CCZ1B: variants seen among roughly 807,000 people sequenced by gnomAD.
CCZ1B encodes CCZ1B vacuolar protein trafficking and biogenesis associated.
CCZ1B carries 25 observed loss-of-function variants against 58.8 expected under a neutral mutation model. The ratio of observed to expected loss-of-function variants is 0.43; its 90% CI spans 0.31 to 0.59. The LOEUF (loss-of-function observed/expected upper bound fraction) is 0.59. Ranked by LOEUF, CCZ1B falls within the 20% of genes least tolerant of loss-of-function variation. The pLI is 0.12. For missense variants in CCZ1B, 180 were observed against 501.5 expected (o/e 0.36, Z 6.12); for synonymous variants, 66 against 173.2 (o/e 0.38, Z 4.86).
chr7:6,812,804 T>C (rs1782939020), intron 9 of CCZ1B, among the ~76,000 whole-genome samples, 172 bp downstream of exon 9: 2 of 148,636 alleles, frequency 1.3e-5, no homozygotes, highest in Non-Finnish European at 3.0e-5. Flanking sequence ...CTCATGCCTG[T>C]AGTTCCAGCT....
intron 2 of CCZ1B, 33 bp downstream of exon 2, chr7:6,824,607 A>G: frequency 6.2e-7 from 1 of 1,612,478 alleles, no homozygotes; most frequent in Non-Finnish European, 8.5e-7. Context: ...TTAAGAATTC[A>G]CTGAACGCTA....
chr7:6,821,350 G>C lies in CCZ1B; in HGVS notation c.522+931C>G, dbSNP rs536953391. Among the ~76,000 whole-genome samples, 12 of 151,844 alleles carry C rather than the reference G, an allele frequency of 7.9e-5. No individual in the cohort carries two copies. In the East Asian group the frequency reaches 2.3e-3, roughly 29 times the overall value. On this transcript the variant is annotated intron_variant, in intron 6 of 14. Transcript: ENST00000316731. Reference sequence around the variant, plus strand: ...TACTAAAATCATGTCTAAATGATATGTACTCAGGACAACAGTTCTATCCAT... The same window carrying C: ...TACTAAAATCATGTCTAAATGATATCTACTCAGGACAACAGTTCTATCCAT...
intron 10 of CCZ1B, among the ~76,000 whole-genome samples, chr7:6,808,399 CAAAA>C (rs1562427257): frequency 9.7e-5 from 5 of 51,318 alleles, no homozygotes; most frequent in Non-Finnish European, 2.2e-4. Flanking sequence ...AAAAAAAAAA[CAAAA>C]AACAAAACAA....
intron 8 of CCZ1B, among the ~76,000 whole-genome samples, chr7:6,813,705 G>A (rs1485559207): frequency 2.0e-5 from 3 of 149,508 alleles, no homozygotes; most frequent in Non-Finnish European, 4.4e-5. Context: ...CAGGAAACCA[G>A]GAAATTAAGT....
intron 8 of CCZ1B, among the ~76,000 whole-genome samples, chr7:6,813,406 C>G (rs572659982): frequency 5.4e-5 from 8 of 149,236 alleles, no homozygotes; most frequent in South Asian, 4.2e-4. Flanking sequence ...GGCAACATGA[C>G]GAGATCCCAT....
chr7:6,819,146 AGG>A lies in CCZ1B; in HGVS notation c.698+618_698+619del, dbSNP rs1254868210. 4.1e-4 allele frequency among the ~76,000 whole-genome samples: 58 copies of A among 141,454 alleles called. 2 individuals carry two copies. The highest frequency in any genetic ancestry group is 3.5e-3 in the Middle Eastern group (1 of 284). 92.8% of individuals were successfully genotyped at this position (141,454 alleles called of 152,430 possible). ...AAGAAAAAAAAAAAAAAAAAAAAAA[AGG>A]TATAAAAATTCTGCTTTTAACATTT... On this transcript the variant is annotated intron_variant, in intron 7 of 14. Coordinates refer to ENST00000316731, the MANE Select transcript of CCZ1B (RefSeq NM_198097.5).
chr7:6,812,372 C>G lies in CCZ1B; in HGVS notation c.843-309G>C, dbSNP rs1782929502. Reference sequence around the variant, plus strand: ...GTTCTGGTGGTGGGCACCTGCAATCCCAGCTACTAGAGAGGCTGAGGCAGG... The same window carrying G: ...GTTCTGGTGGTGGGCACCTGCAATCGCAGCTACTAGAGAGGCTGAGGCAGG... On this transcript the variant is annotated intron_variant, in intron 9 of 14. Transcript: ENST00000316731. 2 of 367,248 alleles carry G rather than the reference C, an allele frequency of 5.4e-6. 1 individual carries two copies. Among genetic ancestry groups the G allele is most frequent in the South Asian group, 4.7e-5 (2 of 42,748 alleles). The allele number at this position is 367,248 out of a possible 1,614,324, so 22.7% of individuals were successfully genotyped here.
rs375765168 is a variant in CCZ1B, at chr7:6,811,961, G to T, written c.945C>A (p.Ile315=). 6.3e-6 allele frequency: 10 copies of T among 1,578,646 alleles called. No individual in the cohort carries two copies. The South Asian group carries it at 1.0e-4, about 16-fold the overall frequency. The part of the protein sequence containing the change: ...TDDTYEELHL[I]VYKAMSAAVC... Reference sequence around the variant, plus strand: ...GGAAAACAGTTGTTACCTTATAAACGATTAAATGGAGCTCTTCATAAGTGT... The same window carrying T: ...GGAAAACAGTTGTTACCTTATAAACTATTAAATGGAGCTCTTCATAAGTGT... Residue 315 remains isoleucine, a synonymous_variant, in exon 10 of 15, where the codon ATC becomes ATA. Transcript: ENST00000316731.
intron 9 of CCZ1B, 94 bp from the exon 10 acceptor site, chr7:6,812,157 T>C: frequency 3.4e-6 from 4 of 1,160,554 alleles, no homozygotes; most frequent in Non-Finnish European, 5.1e-6. Context: ...TACACACCAG[T>C]TGCTTTTGAT....
At position 6,822,296 on chromosome 7, in the gene CCZ1B, C is replaced by A; in HGVS notation, c.507G>T (p.Glu169Asp). ...AAATACTTACCCGATGGAAGAATTT[C>A]TCTAATCTTTCTTTCAGAAGCTTGA... ...GGVKLLKERL[E>D]KFFHRYLQTL... Residue 169 changes from glutamate to aspartate, a missense_variant, in exon 6 of 15, where the codon GAG (glutamate) becomes GAT (aspartate). By Grantham distance (45) the Glu-to-Asp change is conservative (BLOSUM62 2). Transcript: ENST00000316731. The A allele has an allele frequency of 6.3e-7, 1 of 1,586,642 alleles. No homozygotes were observed. Among genetic ancestry groups the A allele is most frequent in the Non-Finnish European group, 8.5e-7 (1 of 1,172,444 alleles).
At position 6,806,008 on chromosome 7, in the gene CCZ1B, GAT is replaced by G; in HGVS notation, c.982_983del (p.Ile328ArgfsTer28). 1.5e-6 allele frequency: 2 copies of G among 1,306,934 alleles called. No individual in the cohort carries two copies. Among genetic ancestry groups the G allele is most frequent in the Non-Finnish European group, 2.2e-6 (2 of 914,060 alleles). 81.0% of individuals were successfully genotyped at this position (1,306,934 alleles called of 1,614,324 possible). A position where few individuals can be genotyped will look rare whatever the true frequency, so the allele number is the denominator to read the frequency against. On this transcript the variant is annotated frameshift_variant, in exon 11 of 15. Transcript: ENST00000316731. LOFTEE classifies it high-confidence loss of function. ...KAMSAAVCFM[I>X]DASVHPTLDF... ...CAGACAAAGGCGCGTACCCACCGTCGATCATAAAGCACACAGCCGCACTCATG... is the reference window on the plus strand; with the variant it reads ...CAGACAAAGGCGCGTACCCACCGTCGCATAAAGCACACAGCCGCACTCATG...
intron 6 of CCZ1B, among the ~76,000 whole-genome samples, chr7:6,821,827 A>C (rs1356322197): frequency 1.3e-5 from 2 of 150,422 alleles, no homozygotes; most frequent in Non-Finnish European, 3.0e-5. Flanking sequence ...CCCAATCGCT[A>C]ATCTGACAAA....
chr7:6,819,636 T>C, intron 7 of CCZ1B, 130 bp downstream of exon 7: 1 of 600,054 alleles, frequency 1.7e-6, no homozygotes, highest in Non-Finnish European at 3.0e-6. Context: ...TTTGACAATA[T>C]CTATGAAGAT....
At chr7:6,823,185 A>G in intron 5 of CCZ1B, 128 bp downstream of exon 5, 1 of 1,199,508 alleles carries the variant, frequency 8.3e-7, no homozygotes. Context: ...AGGCCTCATT[A>G]TTTTCTTCTC....
At chr7:6,817,739 GCA>G (rs1443799296) in intron 7 of CCZ1B, among the ~76,000 whole-genome samples, 1 of 149,880 alleles carries the variant, frequency 6.7e-6, no homozygotes. Flanking sequence ...TGGAGGCCGG[GCA>G]CAGTGGCTCA....
In CCZ1B at chr7:6,819,861, C is replaced by A. The variant is rs1168308873; in HGVS notation, c.603G>T (p.Met201Ile). 5.1e-6 allele frequency: 8 copies of A among 1,579,572 alleles called. No homozygotes were observed. Among genetic ancestry groups the A allele is most frequent in the Middle Eastern group, 1.7e-4 (1 of 5,948 alleles). Residue 201 changes from methionine to isoleucine, a missense_variant, in exon 7 of 15, where the codon ATG (methionine) becomes ATT (isoleucine). Transcript: ENST00000316731. ...TAAAGGACTGGATTTTCAAATAAGT[C>A]ATTTTATCCAACGGGAAGAAGCTGA... ...GGISFFPLDK[M>I]TYLKIQSFIN... is the part of the protein sequence containing the mutation.
intron 5 of CCZ1B, among the ~76,000 whole-genome samples, chr7:6,823,104 G>A (rs1178977025): frequency 6.7e-6 from 1 of 148,610 alleles, no homozygotes; most frequent in Non-Finnish European, 1.5e-5. Context: ...CCTACTATAA[G>A]GCTGAGAAAA....
intron 6 of CCZ1B, among the ~76,000 whole-genome samples, chr7:6,820,151 A>C (rs1783085545): frequency 6.7e-6 from 1 of 149,318 alleles, no homozygotes; most frequent in Non-Finnish European, 1.5e-5. Flanking sequence ...CTATCTACTT[A>C]ATGTTTATTC....
chr7:6,822,176 A>C, intron 6 of CCZ1B, 105 bp downstream of exon 6: 3 of 1,492,052 alleles, frequency 2.0e-6, no homozygotes, highest in Non-Finnish European at 2.7e-6. Context: ...TGCCACTTTC[A>C]AGTTCTGGGT....
Sources: allele counts gnomAD v4.1 joint callset (sites outside exome capture counted in the v4.1 genomes callset), GRCh38; gene constraint gnomAD v4.1.1; transcripts MANE v1.5; gene names NCBI Gene and HGNC (gene_info 2026-07-23, HGNC 2026-07-21).